SMG5: variants seen among roughly 807,000 people sequenced by gnomAD.
SMG5 encodes the protein SMG5 nonsense mediated mRNA decay factor.
Under a neutral mutation model 122.9 loss-of-function variants are expected in SMG5, and 53 were observed. The observed-to-expected ratio is 0.43, with a 90% CI of 0.35 to 0.54. The LOEUF is 0.54. Among genes scored for constraint, SMG5 ranks in the 20% least tolerant of loss-of-function variants. The pLI is 0.01. For missense variants in SMG5, 1,153 were observed against 1,285.6 expected (o/e 0.90, Z 1.58); for synonymous variants, 477 against 490.2 (o/e 0.97, Z 0.35).
Position 156,271,566 on chromosome 1 carries a change from G to GTTTT in SMG5, c.713+750_713+753dup, listed in dbSNP as rs755111375. The stretch of plus-strand genomic sequence containing the variant: ...AATCAATTTTGGGTGCCCTGAAGAG[G>GTTTT]TTTTTTTTTTTTTTTTTTTTTTTTT... On this transcript the variant is annotated intron_variant, in intron 7 of 21. Transcript: ENST00000361813. Among the ~76,000 whole-genome samples the GTTTT allele has an allele frequency of 1.0e-3, 85 of 82,290 alleles. 1 individual carries two copies. The highest frequency in any genetic ancestry group is 9.4e-3 in the Middle Eastern group (1 of 106). 54.0% of individuals were successfully genotyped at this position (82,290 alleles called of 152,430 possible). A position where few individuals can be genotyped will look rare whatever the true frequency, so the allele number is the denominator to read the frequency against.
At chr1:156,275,131 T>TAAAAAA (rs760480249) in intron 4 of SMG5, among the ~76,000 whole-genome samples, 3 of 86,854 alleles carry the variant, frequency 3.5e-5, no homozygotes, top group Admixed American at 1.2e-4. Context: ...TGACGCCAAT[T>TAAAAAA]AAAAAAAAAA....
the SMG5 span, chr1:156,290,155 G>A: frequency 2.0e-5 from 3 of 152,080 alleles, no homozygotes; most frequent in Non-Finnish European, 4.4e-5. Flanking sequence ...TTAAATGGGG[G>A]AAAAATAAAC....
chr1:156,265,234 A>C (rs1175130101), intron 12 of SMG5, among the ~76,000 whole-genome samples: 1 of 143,354 alleles, frequency 7.0e-6, no homozygotes, highest in Non-Finnish European at 1.5e-5. Context: ...AAAAAAAAAA[A>C]AAAAACTTTG....
At chr1:156,275,559 A>G (rs1384918972) in intron 4 of SMG5, among the ~76,000 whole-genome samples, 18 of 152,240 alleles carry the variant, frequency 1.2e-4, no homozygotes, top group Admixed American at 1.0e-3. Context: ...AAGGCTCCAG[A>G]GACTGTCCTC....
chr1:156,291,406 T>C, the SMG5 span: 16 of 1,614,020 alleles, frequency 9.9e-6, no homozygotes, highest in African/African-American at 2.1e-4. Flanking sequence ...GGCTGACCTT[T>C]GCCGTGGGCC....
intron 7 of SMG5, among the ~76,000 whole-genome samples, chr1:156,269,747 C>T (rs766982610): frequency 6.6e-5 from 10 of 152,208 alleles, no homozygotes; most frequent in African/African-American, 9.6e-5. Context: ...TGTTGGCAGG[C>T]GCCTGTTGTC....
Position 156,250,500 on chromosome 1 carries a change from T to G in SMG5, c.*87A>C, listed in dbSNP as rs1207121293. ...TGTGCGTGCATGAGTCTGCGTGTGGTGGGGTGACTACAGGTGCTGGTCCTG... is the reference window on the plus strand; with the variant it reads ...TGTGCGTGCATGAGTCTGCGTGTGGGGGGGTGACTACAGGTGCTGGTCCTG... On this transcript the variant is annotated 3_prime_UTR_variant, in exon 22 of 22. Transcript: ENST00000361813. The G allele has an allele frequency of 1.0e-5, 12 of 1,154,168 alleles. No individual in the cohort carries two copies. The highest frequency in any genetic ancestry group is 2.3e-5 in the East Asian group (1 of 42,616). 71.5% of individuals were successfully genotyped at this position (1,154,168 alleles called of 1,614,324 possible). A position where few individuals can be genotyped will look rare whatever the true frequency, so the allele number is the denominator to read the frequency against.
chr1:156,265,879 G>A lies in SMG5; in HGVS notation c.1757C>T (p.Thr586Ile), dbSNP rs1265217939. The A allele has an allele frequency of 3.7e-6, 6 of 1,614,074 alleles. No individual in the cohort carries two copies. Among genetic ancestry groups the A allele is most frequent in the African/African-American group, 1.3e-5 (1 of 74,928 alleles). ...GGGCTGGAGGAGCAGGTTGCTAAAG[G>A]TGGGGGCCAGTCGGAAGCAGCGCTT... ...QTKRCFRLAP[T>I]FSNLLLQPTT... is the part of the protein sequence containing the mutation. The change falls in exon 12 of 22, where the codon ACC (threonine) becomes ATC (isoleucine). Residue 586 changes from threonine to isoleucine, a missense_variant. Thr to Ile is a moderately conservative substitution (Grantham distance 89). Transcript: ENST00000361813.
intron 13 of SMG5, among the ~76,000 whole-genome samples, chr1:156,263,117 C>T (rs867989605): frequency 5.3e-5 from 8 of 152,184 alleles, no homozygotes; most frequent in South Asian, 4.1e-4. Context: ...ATACTTCTAC[C>T]GGCATTACTC....
At chr1:156,260,708 T>C in intron 14 of SMG5, 82 bp from the exon 15 acceptor site, 2 of 1,292,858 alleles carry the variant, frequency 1.5e-6, no homozygotes, top group Non-Finnish European at 2.1e-6. Context: ...CTTTGGGAAT[T>C]ATCAGGCTGA....
intron 5 of SMG5, among the ~76,000 whole-genome samples, chr1:156,273,709 TTTTG>T (rs1165588345): frequency 6.8e-6 from 1 of 146,356 alleles, no homozygotes; most frequent in South Asian, 2.2e-4. Context: ...TCTTTTTTTG[TTTTG>T]TTTTCTTTTT....
In SMG5 at chr1:156,267,147, C is replaced by A. The variant is rs1301158574; in HGVS notation, c.1117+323G>T. ...AAGGCTTCCAGAATTGCCTAAATGC[C>A]TCCAACAGAAGGTCTGAAATTCTGT... On this transcript the variant is annotated intron_variant, in intron 10 of 21. Coordinates refer to ENST00000361813, the MANE Select transcript of SMG5 (RefSeq NM_015327.3). Among the ~76,000 whole-genome samples the A allele has an allele frequency of 2.0e-5, 3 of 152,198 alleles. 1 individual carries two copies. Among genetic ancestry groups the A allele is most frequent in the African/African-American group, 7.2e-5 (3 of 41,458 alleles).
the SMG5 span, among the ~76,000 whole-genome samples, chr1:156,288,076 G>A: frequency 6.6e-6 from 1 of 151,872 alleles, no homozygotes; most frequent in African/African-American, 2.4e-5. Flanking sequence ...TTAGCCGGGT[G>A]CGGTGGCGAG....
At chr1:156,251,553 G>T in intron 19 of SMG5, 76 bp from the exon 20 acceptor site, 1 of 1,471,790 alleles carries the variant, frequency 6.8e-7, no homozygotes, top group Non-Finnish European at 9.5e-7. Flanking sequence ...GTCTGTTGTG[G>T]CTCTGGGGGC....
chr1:156,282,542 G>A (rs573096229), intron 1 of SMG5, 65 bp downstream of exon 1: 33 of 1,517,058 alleles, frequency 2.2e-5, no homozygotes, highest in Middle Eastern at 2.0e-4. Flanking sequence ...CCGCCCGGGA[G>A]GCCCCGCCCC....
chr1:156,267,471 T>G lies in SMG5; in HGVS notation c.1116A>C (p.Ala372=), dbSNP rs1291346368. The change falls in exon 10 of 22, where the codon GCA becomes GCC. Residue 372 remains alanine, a splice_region_variant and synonymous_variant. Transcript: ENST00000361813. Reference sequence around the variant, plus strand: ...AAAGAGGAACATAGGGAAGGTTACCTGCTCTCTCCAAGCTGTGCACACACA... The same window carrying G: ...AAAGAGGAACATAGGGAAGGTTACCGGCTCTCTCCAAGCTGTGCACACACA... The part of the protein sequence containing the change: ...CLMCVHSLER[A]GSKQYSAAIA... 1 of 1,614,066 alleles carries G rather than the reference T, an allele frequency of 6.2e-7. No individual in the cohort carries two copies. The highest frequency in any genetic ancestry group is 1.1e-5 in the South Asian group (1 of 91,076).
At chr1:156,290,337 T>C in the SMG5 span, 1 of 152,412 alleles carries the variant, frequency 6.6e-6, no homozygotes, top group African/African-American at 2.4e-5. Context: ...TCTTTTCTTC[T>C]TTCTCCAAGA....
chr1:156,282,801 T>C lies in SMG5; in HGVS notation c.-121A>G, dbSNP rs1203945599. ...CGCCACCGGCCCTGCTCGGCCGCCATCGCTGTGAGGCGGCTGCCCGCGACA... is the reference window on the plus strand; with the variant it reads ...CGCCACCGGCCCTGCTCGGCCGCCACCGCTGTGAGGCGGCTGCCCGCGACA... On this transcript the variant is annotated 5_prime_UTR_variant, in exon 1 of 22. An upstream start codon of the reference 5' UTR is lost. Transcript: ENST00000361813. The C allele has an allele frequency of 3.6e-6, 4 of 1,113,512 alleles. No homozygotes were observed. The highest frequency in any genetic ancestry group is 1.6e-5 in the South Asian group (1 of 61,652). 69.0% of individuals were successfully genotyped at this position (1,113,512 alleles called of 1,614,324 possible).
chr1:156,251,313 T>C (rs773272538), intron 20 of SMG5, 90 bp downstream of exon 20: 1 of 1,466,702 alleles, frequency 6.8e-7, no homozygotes, highest in East Asian at 2.3e-5. Context: ...AGCCTCAGAA[T>C]TATCCAGCCC....
Sources: gnomAD v4.1 joint callset for allele counts (sites outside exome capture counted in the v4.1 genomes callset) on GRCh38, gnomAD v4.1.1 for gene constraint, MANE v1.5 for transcripts, NCBI Gene and HGNC (gene_info 2026-07-23, HGNC 2026-07-21) for gene names.